The following UBAP2 variants were observed in gnomAD, a reference collection of about 807,000 sequenced individuals.
UBAP2 encodes the protein ubiquitin-associated protein 2.
Under a neutral mutation model 139.6 loss-of-function variants are expected in UBAP2, and 75 were observed. The ratio of observed to expected loss-of-function variants is 0.54; its 90% CI spans 0.45 to 0.65. UBAP2 has a LOEUF of 0.65. Among genes scored for constraint, UBAP2 ranks in the 30% least tolerant of loss-of-function variants. UBAP2 has a pLI of 0.00. For synonymous variants in UBAP2, 526 were observed against 526.2 expected, an observed-to-expected ratio of 1.00 and a Z score of 0.01; for missense variants, 1,368 against 1,369.6, an observed-to-expected ratio of 1.00 and a Z score of 0.02.
At chr9:34,038,264 C>G (rs895351478) in intron 1 of UBAP2, among the ~76,000 whole-genome samples, 1 of 151,844 alleles carries the variant, frequency 6.6e-6, no homozygotes, top group Non-Finnish European at 1.5e-5. Context: ...GCCTGGCCAA[C>G]ACAGTGAAAC....
chr9:34,007,262 G>C (rs1336783958), intron 2 of UBAP2, among the ~76,000 whole-genome samples: 1 of 152,116 alleles, frequency 6.6e-6, no homozygotes, highest in Non-Finnish European at 1.5e-5. Flanking sequence ...GGGAGGCTGA[G>C]GAAGGTGGAT....
intron 1 of UBAP2, among the ~76,000 whole-genome samples, chr9:34,022,433 C>CCT (rs762769488): frequency 2.7e-5 from 3 of 112,372 alleles, no homozygotes; most frequent in Non-Finnish European, 5.2e-5. Context: ...AGCAAGACCC[C>CCT]TTTTTTTTTT....
At chr9:33,995,393 T>A (rs1287864905) in intron 4 of UBAP2, 1 of 136,022 alleles carries the variant, frequency 7.4e-6, no homozygotes, top group Non-Finnish European at 1.5e-5. Flanking sequence ...ATATTAAATA[T>A]AAATATATAT....
intron 2 of UBAP2, among the ~76,000 whole-genome samples, chr9:34,009,694 A>C (rs1257293931): frequency 6.6e-6 from 1 of 152,154 alleles, no homozygotes; most frequent in Non-Finnish European, 1.5e-5. Flanking sequence ...TCCTGGACTC[A>C]AGCAATCCTC....
intron 6 of UBAP2, among the ~76,000 whole-genome samples, chr9:33,977,329 G>A (rs954188103): frequency 5.9e-5 from 9 of 151,896 alleles, no homozygotes; most frequent in Non-Finnish European, 1.0e-4. Context: ...GAACCACCGC[G>A]CCCAGCCAAA....
intron 1 of UBAP2, among the ~76,000 whole-genome samples, chr9:34,046,021 C>G (rs1045126016): frequency 6.6e-6 from 1 of 152,166 alleles, no homozygotes; most frequent in East Asian, 1.9e-4. Context: ...TAACACTTAG[C>G]TTTTAAGAAC....
In UBAP2 at chr9:34,008,063, A is replaced by G. The variant is rs992999048; in HGVS notation, c.99+8987T>C. On this transcript the variant is annotated intron_variant, in intron 2 of 28. Coordinates refer to ENST00000379238, the MANE Select transcript of UBAP2 (RefSeq NM_001370062.2). ...GGCAGGAGAATCGCTTGAACCTGGG[A>G]GGCGAAGGTTGTAGTGAGCCGAGAT... Among the ~76,000 whole-genome samples, 39 of 152,022 alleles carry G rather than the reference A, an allele frequency of 2.6e-4. 1 individual carries two copies. Among genetic ancestry groups the G allele is most frequent in the Non-Finnish European group, 1.5e-5 (1 of 68,012 alleles).
intron 1 of UBAP2, among the ~76,000 whole-genome samples, chr9:34,035,835 C>T (rs1564074112): frequency 6.6e-6 from 1 of 151,842 alleles, no homozygotes; most frequent in Admixed American, 6.6e-5. Context: ...TAAATCGTCC[C>T]TGCCTTTTTG....
intron 23 of UBAP2, 34 bp downstream of exon 23, chr9:33,924,172 C>G: frequency 6.2e-7 from 1 of 1,611,616 alleles, no homozygotes; most frequent in Non-Finnish European, 8.5e-7. Flanking sequence ...CTAGGCCGGC[C>G]CCGGGCTACT....
chr9:34,028,009 C>T (rs1405649194), intron 1 of UBAP2, among the ~76,000 whole-genome samples: 3 of 151,410 alleles, frequency 2.0e-5, no homozygotes, highest in African/African-American at 7.3e-5. Context: ...TTCCATGCAG[C>T]TCAACTGCTT....
intron 11 of UBAP2, 150 bp from the exon 12 acceptor site, chr9:33,953,624 G>A: frequency 1.4e-6 from 1 of 706,756 alleles, no homozygotes; most frequent in Admixed American, 3.0e-5. Context: ...CAAAAGGAGG[G>A]CATCATCCAC....
At chr9:33,996,552 T>C in intron 3 of UBAP2, 2 of 455,630 alleles carry the variant, frequency 4.4e-6, no homozygotes, top group Non-Finnish European at 7.8e-6. Context: ...CAAATCAATC[T>C]TCCTCCAAGT....
At chr9:33,945,243 A>G (rs1269100532) in intron 13 of UBAP2, among the ~76,000 whole-genome samples, 1 of 152,174 alleles carries the variant, frequency 6.6e-6, no homozygotes, top group Admixed American at 6.6e-5. Flanking sequence ...TCACGCCTGT[A>G]ATCCCAACAC....
intron 8 of UBAP2, chr9:33,968,391 T>C (rs952365395): frequency 3.5e-6 from 2 of 569,206 alleles, no homozygotes; most frequent in African/African-American, 3.8e-5. Flanking sequence ...CCTCTGGTGA[T>C]GAGGAAGCAA....
intron 2 of UBAP2, among the ~76,000 whole-genome samples, chr9:34,009,426 T>A: frequency 2.0e-5 from 3 of 152,168 alleles, no homozygotes; most frequent in Admixed American, 2.0e-4. Context: ...ATAAATTTTT[T>A]AAAAAATATT....
intron 4 of UBAP2, among the ~76,000 whole-genome samples, chr9:33,989,698 T>C (rs1821534372): frequency 1.3e-5 from 2 of 152,184 alleles, no homozygotes; most frequent in South Asian, 4.1e-4. Flanking sequence ...CCCTTTCCTA[T>C]GCAAATTTAG....
intron 4 of UBAP2, among the ~76,000 whole-genome samples, chr9:33,991,298 A>T (rs1175840482): frequency 1.6e-5 from 2 of 126,550 alleles, no homozygotes; most frequent in Non-Finnish European, 1.8e-5. Flanking sequence ...GAGACTCTGT[A>T]TCAAAAATAA....
At chr9:34,012,838 G>GTTTTTTTTTTTT (rs1237270737) in intron 2 of UBAP2, among the ~76,000 whole-genome samples, 1 of 135,448 alleles carries the variant, frequency 7.4e-6, no homozygotes. Flanking sequence ...ATCTCACAAT[G>GTTTTTTTTTTTT]TATTTTTTTT....
At chr9:34,023,290 C>A (rs1001675844) in intron 1 of UBAP2, among the ~76,000 whole-genome samples, 3 of 151,660 alleles carry the variant, frequency 2.0e-5, no homozygotes, top group Non-Finnish European at 4.4e-5. Flanking sequence ...TACAGGAGTG[C>A]CATCTGGTGA....
Sources: gnomAD v4.1 joint callset for allele counts (sites outside exome capture counted in the v4.1 genomes callset) on GRCh38, gnomAD v4.1.1 for gene constraint, MANE v1.5 for transcripts, NCBI Gene and HGNC (gene_info 2026-07-23, HGNC 2026-07-21) for gene names.